The following LAMA1 variants were observed in gnomAD, a reference collection of about 807,000 sequenced individuals.
LAMA1 encodes laminin subunit alpha-1.
A neutral mutation model predicts 348.7 loss-of-function variants in LAMA1; 219 were observed. The ratio of observed to expected loss-of-function variants is 0.63; its 90% confidence interval spans 0.56 to 0.70. LAMA1 has a LOEUF of 0.70. LAMA1 is among the 30% of genes least tolerant of loss of function. LAMA1 has a pLI of 0.00. For missense variants in LAMA1, 3,744 were observed against 3,888.0 expected, an observed-to-expected ratio of 0.96 and a Z score of 0.99; for synonymous variants, 1,487 against 1,491.0, an observed-to-expected ratio of 1.00 and a Z score of 0.06.
chr18:7,080,577 A>G (rs2058189321), intron 1 of LAMA1, 120 bp from the exon 2 acceptor site: 1 of 1,034,872 alleles, frequency 9.7e-7, no homozygotes, highest in Admixed American at 2.0e-5. Context: ...GAATGAAGGA[A>G]TCCTTACACA....
chr18:6,956,811 C>G lies in LAMA1; in HGVS notation c.7965-46G>C, dbSNP rs540224165. 9.9e-6 allele frequency: 16 copies of G among 1,608,642 alleles called. No homozygotes were observed. The South Asian group carries it at 1.8e-4, about 18-fold the overall frequency. ...GTTTTCAAAATTAGGATATCACAAACCAGTCCATGAACCCAAGTCATCTGA... is the reference window on the plus strand; with the variant it reads ...GTTTTCAAAATTAGGATATCACAAAGCAGTCCATGAACCCAAGTCATCTGA... On this transcript the variant is annotated intron_variant, in intron 55 of 62. Coordinates refer to ENST00000389658, the MANE Select transcript of LAMA1 (RefSeq NM_005559.4).
intron 9 of LAMA1, among the ~76,000 whole-genome samples, 171 bp from the exon 10 acceptor site, chr18:7,040,407 G>A (rs1243722878): frequency 6.6e-6 from 1 of 152,206 alleles, no homozygotes; most frequent in Non-Finnish European, 1.5e-5. Context: ...CACAGCCATA[G>A]AGAATACACA....
chr18:7,108,096 G>A (rs1026051079), intron 1 of LAMA1, among the ~76,000 whole-genome samples: 1 of 151,266 alleles, frequency 6.6e-6, no homozygotes. Flanking sequence ...CCAGCACTTT[G>A]GGAGGCCAAG....
intron 8 of LAMA1, 29 bp downstream of exon 8, chr18:7,043,198 G>C: frequency 6.2e-7 from 1 of 1,611,020 alleles, no homozygotes; most frequent in Non-Finnish European, 8.5e-7. Context: ...AGATGATGAA[G>C]ATCAGCAATG....
intron 18 of LAMA1, 91 bp downstream of exon 18, chr18:7,024,289 C>CA: frequency 1.0e-6 from 1 of 985,622 alleles, no homozygotes; most frequent in Admixed American, 2.3e-5. Context: ...ATCAAAACTC[C>CA]AAAACCACAC....
chr18:7,011,874 T>C, intron 24 of LAMA1, 121 bp downstream of exon 24: 2 of 1,229,894 alleles, frequency 1.6e-6, no homozygotes, highest in Non-Finnish European at 2.3e-6. Context: ...ATTAGCTTCC[T>C]AGAATTTTGG....
intron 1 of LAMA1, among the ~76,000 whole-genome samples, chr18:7,086,060 A>G (rs2058216015): frequency 6.6e-6 from 1 of 152,216 alleles, no homozygotes; most frequent in Non-Finnish European, 1.5e-5. Context: ...TATGCGTCAG[A>G]AAAAGCGGCT....
intron 8 of LAMA1, 157 bp downstream of exon 8, chr18:7,043,070 T>C (rs1598294601): frequency 2.9e-6 from 2 of 699,520 alleles, no homozygotes; most frequent in Non-Finnish European, 2.4e-6. Context: ...AAAAGCAGGA[T>C]AGAGTAGGAA....
At chr18:7,034,789 C>T (rs929389520) in intron 13 of LAMA1, 99 bp from the exon 14 acceptor site, 17 of 1,080,482 alleles carry the variant, frequency 1.6e-5, no homozygotes, top group East Asian at 7.7e-5. Context: ...GTTTTTCATT[C>T]GTGCCTAGCT....
intron 19 of LAMA1, among the ~76,000 whole-genome samples, chr18:7,019,268 G>A (rs1344106068): frequency 1.3e-5 from 2 of 151,992 alleles, no homozygotes; most frequent in African/African-American, 2.4e-5. Context: ...GTGGCTCTGC[G>A]GAAGGGACCC....
chr18:7,069,088 T>G (rs1297432379), intron 3 of LAMA1, among the ~76,000 whole-genome samples: 1 of 152,218 alleles, frequency 6.6e-6, no homozygotes, highest in African/African-American at 2.4e-5. Context: ...AACACTGAAA[T>G]AGTGCAGCCA....
chr18:6,966,051 ATATT>A, intron 49 of LAMA1, 92 bp downstream of exon 49: 1 of 1,345,856 alleles, frequency 7.4e-7, no homozygotes, highest in Admixed American at 1.8e-5. Context: ...ACATATGTAC[ATATT>A]TAATTAGTAA....
In LAMA1 at chr18:7,043,207, T is replaced by C. The variant is rs1226480805; in HGVS notation, c.1155+20A>G. The C allele has an allele frequency of 1.2e-6, 2 of 1,612,832 alleles. No individual in the cohort carries two copies. Among genetic ancestry groups the C allele is most frequent in the Non-Finnish European group, 8.5e-7 (1 of 1,178,860 alleles). On this transcript the variant is annotated intron_variant, in intron 8 of 62. Transcript: ENST00000389658. Reference sequence around the variant, plus strand: ...TGGGGAAGATGATGAAGATCAGCAATGGCAAAGAAATACTCTTACTTTGTG... The same window carrying C: ...TGGGGAAGATGATGAAGATCAGCAACGGCAAAGAAATACTCTTACTTTGTG...
At chr18:7,079,678 GCAAA>G (rs1240288056) in intron 3 of LAMA1, 3 of 436,852 alleles carry the variant, frequency 6.9e-6, no homozygotes, top group African/African-American at 6.0e-5. Flanking sequence ...TTGGCAGCCA[GCAAA>G]CAGCCTGACA....
rs574410171 is a variant in LAMA1, at chr18:6,945,758, T to A, written c.8844+1405A>T. The stretch of plus-strand genomic sequence containing the variant: ...CCAGGATGAGAAGCCTGAGCTGAAA[T>A]GGACGCTGGCCAAACTCTCCAGGAG... On this transcript the variant is annotated intron_variant, in intron 61 of 62. Transcript: ENST00000389658. Among the ~76,000 whole-genome samples the A allele has an allele frequency of 2.0e-5, 3 of 152,068 alleles. No homozygotes were observed. In the South Asian group the frequency reaches 6.2e-4, roughly 32 times the overall value.
chr18:6,942,806 C>T (rs4395154), intron 62 of LAMA1, among the ~76,000 whole-genome samples: 52,701 of 152,058 alleles, frequency 0.35, 10,225 homozygotes, highest in East Asian at 0.65. Context: ...TTCCTTGGAA[C>T]ATCTAAAATA....
At chr18:7,079,539 C>T (rs953308146) in intron 3 of LAMA1, 4 of 256,756 alleles carry the variant, frequency 1.6e-5, no homozygotes, top group Non-Finnish European at 3.0e-5. Context: ...GGTTTAACAC[C>T]GTTTTGTCTT....
chr18:6,990,265 C>G (rs911835086), intron 36 of LAMA1, among the ~76,000 whole-genome samples: 1 of 152,148 alleles, frequency 6.6e-6, no homozygotes, highest in African/African-American at 2.4e-5. Flanking sequence ...GTTCCCAACT[C>G]CTGGCACAAT....
intron 1 of LAMA1, among the ~76,000 whole-genome samples, chr18:7,091,888 A>C (rs777072819): frequency 6.6e-6 from 1 of 152,200 alleles, no homozygotes; most frequent in Non-Finnish European, 1.5e-5. Flanking sequence ...TGTCAAATGC[A>C]TCACCATCTC....
Sources: allele counts gnomAD v4.1 joint callset (sites outside exome capture counted in the v4.1 genomes callset), GRCh38; gene constraint gnomAD v4.1.1; transcripts MANE v1.5; gene names NCBI Gene and HGNC (gene_info 2026-07-23, HGNC 2026-07-21).